The following DEPTOR variants were observed in gnomAD, a reference collection of about 807,000 sequenced individuals.
DEPTOR encodes DEP domain-containing mTOR-interacting protein.
In DEPTOR, 41 loss-of-function variants were observed where a neutral mutation model predicts 41.6. That is an observed-to-expected ratio of 0.98 (90% CI 0.77 to 1.28). The LOEUF (loss-of-function observed/expected upper bound fraction) is 1.28, where lower values mean the gene tolerates loss of function less well. Ranked by LOEUF, DEPTOR falls within the 50% of genes most tolerant of loss-of-function variation. DEPTOR has a pLI of 0.00. For missense variants in DEPTOR, 514 were observed against 527.9 expected (o/e 0.97, Z 0.26); for synonymous variants, 195 against 192.3 (o/e 1.01, Z -0.12).
At chr8:120,041,144 A>T (rs1218847996) in intron 8 of DEPTOR, among the ~76,000 whole-genome samples, 1 of 152,232 alleles carries the variant, frequency 6.6e-6, no homozygotes, top group African/African-American at 2.4e-5. Context: ...TGAATGCAAC[A>T]ATTTCTGGGA....
At position 120,002,791 on chromosome 8, in the gene DEPTOR, A is replaced by AAAATAT; in HGVS notation, c.791-185_791-184insAATATA. 2.3e-3 allele frequency among the ~76,000 whole-genome samples: 139 copies of AAAATAT among 60,656 alleles called. 4 individuals are homozygous for AAAATAT. Among genetic ancestry groups the AAAATAT allele is most frequent in the Non-Finnish European group, 3.3e-3 (114 of 34,800 alleles). 39.8% of individuals were successfully genotyped at this position (60,656 alleles called of 152,430 possible). A position where few individuals can be genotyped will look rare whatever the true frequency, so the allele number is the denominator to read the frequency against. On this transcript the variant is annotated intron_variant, in intron 5 of 8. Coordinates refer to ENST00000286234, the MANE Select transcript of DEPTOR (RefSeq NM_022783.4). ...GACTCCATCTCAAAAAAAAAAAAAAAATATATATATATATATATATAATAT... is the reference window on the plus strand; with the variant it reads ...GACTCCATCTCAAAAAAAAAAAAAAAAAATATATATATATATATATATATATAATAT...
chr8:120,033,423 G>T (rs1443581093), intron 8 of DEPTOR, among the ~76,000 whole-genome samples: 1 of 152,138 alleles, frequency 6.6e-6, no homozygotes, highest in African/African-American at 2.4e-5. Context: ...GAAAGAGTTT[G>T]AGTCACAGCC....
chr8:120,032,631 A>G (rs1044567299), intron 8 of DEPTOR, among the ~76,000 whole-genome samples: 9 of 152,132 alleles, frequency 5.9e-5, no homozygotes, highest in Non-Finnish European at 8.8e-5. Context: ...GTTGGTCAGT[A>G]GGGCCATCAG....
intron 1 of DEPTOR, among the ~76,000 whole-genome samples, chr8:119,889,796 AC>A (rs1449570547): frequency 2.6e-5 from 4 of 151,876 alleles, no homozygotes; most frequent in Non-Finnish European, 5.9e-5. Context: ...GCCAGAATTG[AC>A]CCTTTAGCTT....
At chr8:120,024,253 A>G (rs1482606634) in intron 8 of DEPTOR, among the ~76,000 whole-genome samples, 2 of 145,456 alleles carry the variant, frequency 1.4e-5, no homozygotes, top group Admixed American at 6.7e-5. Context: ...GAATAAATAA[A>G]CAAAAATAAA....
At chr8:120,001,468 G>C in intron 4 of DEPTOR, 57 bp from the exon 5 acceptor site, 1 of 1,485,544 alleles carries the variant, frequency 6.7e-7, no homozygotes, top group Non-Finnish European at 9.1e-7. Context: ...TGGCTGTAGC[G>C]CTCAGTGGCC....
At chr8:119,996,136 C>T (rs537035781) in intron 4 of DEPTOR, among the ~76,000 whole-genome samples, 6 of 152,140 alleles carry the variant, frequency 3.9e-5, no homozygotes, top group African/African-American at 7.2e-5. Flanking sequence ...TGAATAAACA[C>T]GTGGCAACCT....
intron 1 of DEPTOR, among the ~76,000 whole-genome samples, chr8:119,888,064 T>C (rs1057450331): frequency 1.3e-5 from 2 of 152,116 alleles, no homozygotes; most frequent in African/African-American, 4.8e-5. Context: ...CAAGTAATCT[T>C]CCCACCTTGG....
chr8:119,930,004 T>A, intron 3 of DEPTOR, 66 bp downstream of exon 3: 11 of 1,525,620 alleles, frequency 7.2e-6, no homozygotes, highest in Non-Finnish European at 9.7e-6. Flanking sequence ...TGTGCCAGTC[T>A]CATTATGTTG....
chr8:120,004,773 A>T (rs1812407653), intron 6 of DEPTOR, among the ~76,000 whole-genome samples: 1 of 152,010 alleles, frequency 6.6e-6, no homozygotes, highest in African/African-American at 2.4e-5. Context: ...TCTTACCCAT[A>T]GTTTGACAAG....
chr8:119,957,417 A>G (rs941969264), intron 3 of DEPTOR, among the ~76,000 whole-genome samples: 1 of 152,110 alleles, frequency 6.6e-6, no homozygotes, highest in Admixed American at 6.6e-5. Context: ...ATTTGTAGGA[A>G]TTGCAGATTT....
At chr8:119,992,826 T>C (rs574392755) in intron 4 of DEPTOR, among the ~76,000 whole-genome samples, 1 of 151,914 alleles carries the variant, frequency 6.6e-6, no homozygotes, top group Non-Finnish European at 1.5e-5. Flanking sequence ...CTGGCTAATT[T>C]TTATGTTTTT....
rs2129855446 is a variant in DEPTOR at position 119,930,054 on chromosome 8, T to A, written c.425+116T>A. Reference sequence around the variant, plus strand: ...TTTCTATGTGGGCTGGTTACATAACTGTTCTTTTCCATATGAGAAAACTAT... The same window carrying A: ...TTTCTATGTGGGCTGGTTACATAACAGTTCTTTTCCATATGAGAAAACTAT... On this transcript the variant is annotated intron_variant, in intron 3 of 8. Coordinates refer to ENST00000286234, the MANE Select transcript of DEPTOR (RefSeq NM_022783.4). 5 of 1,264,084 alleles carry A rather than the reference T, an allele frequency of 4.0e-6. No homozygotes were observed. The East Asian group carries it at 1.3e-4, about 32-fold the overall frequency. 78.3% of individuals were successfully genotyped at this position (1,264,084 alleles called of 1,614,324 possible).
At chr8:119,986,435 C>T (rs574408516) in intron 4 of DEPTOR, among the ~76,000 whole-genome samples, 1 of 152,246 alleles carries the variant, frequency 6.6e-6, no homozygotes, top group African/African-American at 2.4e-5. Flanking sequence ...GGTAACCCGA[C>T]CTTTCTCTCT....
intron 1 of DEPTOR, among the ~76,000 whole-genome samples, chr8:119,923,651 ACTGT>A (rs1298356334): frequency 6.6e-6 from 1 of 152,026 alleles, no homozygotes; most frequent in Non-Finnish European, 1.5e-5. Flanking sequence ...TGCTTGATAA[ACTGT>A]CTGACATCCA....
Position 119,974,235 on chromosome 8 carries a change from T to TAAAAAA in DEPTOR, c.604+8848_604+8853dup, listed in dbSNP as rs35885551. Reference sequence around the variant, plus strand: ...GAAACATAGTGAGATCTTGTCTCTTTAAAAAAAAAAAAAAAAAAAAAAAAA... The same window carrying TAAAAAA: ...GAAACATAGTGAGATCTTGTCTCTTTAAAAAAAAAAAAAAAAAAAAAAAAAAAAAAA... On this transcript the variant is annotated intron_variant, in intron 4 of 8. Transcript: ENST00000286234. 1.5e-3 allele frequency among the ~76,000 whole-genome samples: 114 copies of TAAAAAA among 74,914 alleles called. 3 individuals carry two copies. In the East Asian group the frequency reaches 0.045, roughly 30 times the overall value. The allele number at this position is 74,914 out of a possible 152,430, so 49.1% of individuals were successfully genotyped here.
intron 3 of DEPTOR, among the ~76,000 whole-genome samples, chr8:119,948,784 A>T (rs1487502075): frequency 2.6e-5 from 4 of 151,862 alleles, no homozygotes; most frequent in East Asian, 1.9e-4. Flanking sequence ...TTTTAATTTT[A>T]ATTTTTATTT....
chr8:119,936,708 C>T (rs1489313048), intron 3 of DEPTOR, among the ~76,000 whole-genome samples: 1 of 152,162 alleles, frequency 6.6e-6, no homozygotes, highest in Non-Finnish European at 1.5e-5. Flanking sequence ...GCCTGGGCAG[C>T]ATAGTGAGAC....
chr8:120,029,869 G>A lies in DEPTOR; in HGVS notation c.1102-19707G>A, dbSNP rs545361210. ...GCCTTACTCTTGGGATGGAGAGAGT[G>A]CAGAATGCCAGCTATCTGCATAAGG... On this transcript the variant is annotated intron_variant, in intron 8 of 8. Transcript: ENST00000286234. Among the ~76,000 whole-genome samples the A allele has an allele frequency of 2.6e-5, 4 of 152,310 alleles. No homozygotes were observed. The East Asian group carries it at 7.7e-4, about 29-fold the overall frequency.
Sources: gnomAD v4.1 joint callset for allele counts (sites outside exome capture counted in the v4.1 genomes callset) on GRCh38, gnomAD v4.1.1 for gene constraint, MANE v1.5 for transcripts, NCBI Gene and HGNC (gene_info 2026-07-23, HGNC 2026-07-21) for gene names.